KHDRBS2: variants seen among roughly 807,000 people sequenced by gnomAD.
KHDRBS2 encodes KH domain-containing, RNA-binding, signal transduction-associated protein 2.
In KHDRBS2, 26 loss-of-function variants were observed where a neutral mutation model predicts 44.3. The observed-to-expected ratio is 0.59, with a 90% confidence interval of 0.43 to 0.81. KHDRBS2 has a LOEUF of 0.81. Ranked by LOEUF, KHDRBS2 falls within the 40% of genes least tolerant of loss-of-function variation. The pLI is 0.00. For missense variants in KHDRBS2, 476 were observed against 433.1 expected (o/e 1.10, Z -0.88); for synonymous variants, 194 against 151.1 (o/e 1.28, Z -2.08).
intron 1 of KHDRBS2, among the ~76,000 whole-genome samples, chr6:62,215,480 C>A (rs979871506): frequency 6.6e-6 from 1 of 151,766 alleles, no homozygotes; most frequent in African/African-American, 2.4e-5. Context: ...GGAGAGCACT[C>A]TGGAGCTTTA....
chr6:62,112,216 C>A (rs1805167332), intron 2 of KHDRBS2, among the ~76,000 whole-genome samples: 1 of 152,098 alleles, frequency 6.6e-6, no homozygotes, highest in African/African-American at 2.4e-5. Context: ...TATAGTTAAA[C>A]TAAGCCAGAG....
chr6:61,891,586 C>T (rs565371288), intron 6 of KHDRBS2, among the ~76,000 whole-genome samples: 108 of 152,212 alleles, frequency 7.1e-4, no homozygotes, highest in Middle Eastern at 3.4e-3. Flanking sequence ...GGATGCAAGA[C>T]TGGTTCAACA....
intron 2 of KHDRBS2, among the ~76,000 whole-genome samples, chr6:62,123,556 T>G (rs1235951508): frequency 6.6e-6 from 1 of 152,224 alleles, no homozygotes; most frequent in East Asian, 1.9e-4. Context: ...TCCTGCCTAC[T>G]GTTTTGTAAA....
chr6:62,187,392 C>A (rs1246429640), intron 1 of KHDRBS2, among the ~76,000 whole-genome samples: 2 of 152,068 alleles, frequency 1.3e-5, no homozygotes, highest in Non-Finnish European at 2.9e-5. Flanking sequence ...TTGTCCCAGG[C>A]ACCATCCCAG....
chr6:61,848,148 T>C (rs1352750340), intron 6 of KHDRBS2, among the ~76,000 whole-genome samples: 8 of 152,030 alleles, frequency 5.3e-5, no homozygotes, highest in African/African-American at 1.9e-4. Flanking sequence ...ATTCAGGTAC[T>C]TGGGGTACAA....
chr6:61,559,157 C>T, the KHDRBS2 span, among the ~76,000 whole-genome samples: 2 of 152,056 alleles, frequency 1.3e-5, no homozygotes, highest in Non-Finnish European at 2.9e-5. Context: ...GATTTTTTAT[C>T]ATTATATAGT....
rs1431267214 is a variant in KHDRBS2, at chr6:61,749,016, T to C, written c.811-16252A>G. On this transcript the variant is annotated intron_variant, in intron 6 of 8. Coordinates refer to ENST00000281156, the MANE Select transcript of KHDRBS2 (RefSeq NM_152688.4). ...TCTTTTCTTTCTTTCTTTCTTTTTT[T>C]TTTTTTTTTTTTTTGAGACGGAGTC... 1.4e-4 allele frequency among the ~76,000 whole-genome samples: 20 copies of C among 138,094 alleles called. No homozygotes were observed. In the East Asian group the frequency reaches 2.1e-3, roughly 14 times the overall value. 90.6% of individuals were successfully genotyped at this position (138,094 alleles called of 152,430 possible). A position where few individuals can be genotyped will look rare whatever the true frequency, so the allele number is the denominator to read the frequency against.
chr6:61,891,327 C>T (rs1016993114), intron 6 of KHDRBS2, among the ~76,000 whole-genome samples: 2 of 152,128 alleles, frequency 1.3e-5, no homozygotes, highest in African/African-American at 4.8e-5. Flanking sequence ...CTGCTGGATT[C>T]CATTTGCCAG....
chr6:62,134,168 A>T (rs1810985265), intron 2 of KHDRBS2, among the ~76,000 whole-genome samples: 1 of 152,180 alleles, frequency 6.6e-6, no homozygotes, highest in Non-Finnish European at 1.5e-5. Flanking sequence ...CTAGGAGGAA[A>T]AAATGGTTTT....
chr6:62,192,830 C>G (rs1030863054), intron 1 of KHDRBS2, among the ~76,000 whole-genome samples: 1 of 152,072 alleles, frequency 6.6e-6, no homozygotes, highest in Non-Finnish European at 1.5e-5. Context: ...TGATGCAACA[C>G]TGGTTTAAAC....
rs1245453082 is a variant in KHDRBS2, at chr6:62,067,710, C to A, written c.220-19716G>T. ...ATGTTTAAGTCCTCTGTAAAAAAAT[C>A]CCATACTTAATACTAGTTACTACCC... On this transcript the variant is annotated intron_variant, in intron 2 of 8. Coordinates refer to ENST00000281156, the MANE Select transcript of KHDRBS2 (RefSeq NM_152688.4). Among the ~76,000 whole-genome samples, 4 of 151,454 alleles carry A rather than the reference C, an allele frequency of 2.6e-5. No individual in the cohort carries two copies. In the East Asian group the frequency reaches 7.8e-4, roughly 30 times the overall value.
chr6:61,948,466 C>A (rs940062241), intron 4 of KHDRBS2, among the ~76,000 whole-genome samples: 1 of 151,840 alleles, frequency 6.6e-6, no homozygotes, highest in African/African-American at 2.4e-5. Flanking sequence ...AGCAATGATA[C>A]CCTGATAATT....
intron 6 of KHDRBS2, among the ~76,000 whole-genome samples, chr6:61,848,511 G>A (rs9445494): frequency 0.07 from 2,018 of 28,704 alleles, 114 homozygotes; most frequent in African/African-American, 0.09. Context: ...ATATATATAT[G>A]TATATATGTA....
chr6:61,951,982 G>T (rs1764849137), intron 4 of KHDRBS2, among the ~76,000 whole-genome samples: 1 of 151,940 alleles, frequency 6.6e-6, no homozygotes, highest in South Asian at 2.1e-4. Context: ...CTAAACTGTT[G>T]ATCAGAATTC....
At chr6:62,002,686 G>A (rs1244328971) in intron 3 of KHDRBS2, among the ~76,000 whole-genome samples, 2 of 151,036 alleles carry the variant, frequency 1.3e-5, no homozygotes, top group Non-Finnish European at 3.0e-5. Flanking sequence ...TACAAAGAAG[G>A]TAATATAAAT....
At position 62,183,279 on chromosome 6, in the gene KHDRBS2, T is replaced by G. The variant is rs1386055419; in HGVS notation, c.92-5967A>C. Reference sequence around the variant, plus strand: ...AGAAATCACAATTATCTGCTTATATTTTAAGTTGGTTATTTAAGATGGATT... The same window carrying G: ...AGAAATCACAATTATCTGCTTATATGTTAAGTTGGTTATTTAAGATGGATT... On this transcript the variant is annotated intron_variant, in intron 1 of 8. Coordinates refer to ENST00000281156, the MANE Select transcript of KHDRBS2 (RefSeq NM_152688.4). Among the ~76,000 whole-genome samples, 69 of 151,738 alleles carry G rather than the reference T, an allele frequency of 4.5e-4. 1 individual carries two copies. The highest frequency in any genetic ancestry group is 2.4e-5 in the African/African-American group (1 of 41,414).
intron 1 of KHDRBS2, among the ~76,000 whole-genome samples, chr6:62,232,094 A>T (rs187990098): frequency 6.6e-6 from 1 of 152,314 alleles, no homozygotes; most frequent in Admixed American, 6.5e-5. Flanking sequence ...ATGAAAAAAT[A>T]AGTTATTGGG....
At chr6:62,018,605 A>G (rs1781690320) in intron 3 of KHDRBS2, among the ~76,000 whole-genome samples, 1 of 151,970 alleles carries the variant, frequency 6.6e-6, no homozygotes, top group South Asian at 2.1e-4. Flanking sequence ...TTGGCCTCCC[A>G]AAGTGCTGGG....
chr6:62,108,222 T>G (rs968659967), intron 2 of KHDRBS2, among the ~76,000 whole-genome samples: 1 of 152,020 alleles, frequency 6.6e-6, no homozygotes, highest in Non-Finnish European at 1.5e-5. Context: ...ATCCAGAATC[T>G]ACAATGAGCT....
Sources: gnomAD v4.1 joint callset for allele counts (sites outside exome capture counted in the v4.1 genomes callset) on GRCh38, gnomAD v4.1.1 for gene constraint, MANE v1.5 for transcripts, NCBI Gene and HGNC (gene_info 2026-07-23, HGNC 2026-07-21) for gene names.